The following PLAUR variants were observed in gnomAD, a reference collection of about 807,000 sequenced individuals.
PLAUR encodes the protein plasminogen activator, urokinase receptor.
Under a neutral mutation model 33.4 loss-of-function variants are expected in PLAUR, and 22 were observed. The ratio of observed to expected loss-of-function variants is 0.66; its 90% CI spans 0.47 to 0.94. The LOEUF is 0.94. PLAUR is among the 40% of genes least tolerant of loss of function. The pLI, the probability that PLAUR is intolerant of heterozygous loss-of-function variation, is 0.00. For missense variants in PLAUR, 408 were observed against 434.7 expected (o/e 0.94, Z 0.55); for synonymous variants, 148 against 167.3 (o/e 0.88, Z 0.89).
At chr19:43,653,128 G>A (rs1434337409) in intron 5 of PLAUR, among the ~76,000 whole-genome samples, 2 of 152,100 alleles carry the variant, frequency 1.3e-5, no homozygotes, top group African/African-American at 2.4e-5. Flanking sequence ...TTACAATTTA[G>A]AGCTACACTA....
chr19:43,664,793 C>A (rs548911899), intron 3 of PLAUR, among the ~76,000 whole-genome samples: 2 of 152,148 alleles, frequency 1.3e-5, no homozygotes, highest in Admixed American at 6.5e-5. Flanking sequence ...ATCTCCCGTC[C>A]CAATGGATTG....
chr19:43,670,044 G>A (rs1288419703), intron 1 of PLAUR, 22 bp downstream of exon 1: 1 of 1,611,994 alleles, frequency 6.2e-7, no homozygotes, highest in African/African-American at 1.3e-5. Flanking sequence ...CCAGGCGCAG[G>A]CGTTCGGGAC....
At chr19:43,669,232 C>T (rs764330693) in intron 1 of PLAUR, among the ~76,000 whole-genome samples, 11 of 152,172 alleles carry the variant, frequency 7.2e-5, no homozygotes, top group Non-Finnish European at 1.5e-4. Context: ...AGGGACAGTC[C>T]CGGGTCTCCA....
intron 5 of PLAUR, among the ~76,000 whole-genome samples, chr19:43,655,174 G>A (rs1408838989): frequency 6.6e-6 from 1 of 151,588 alleles, no homozygotes; most frequent in Non-Finnish European, 1.5e-5. Context: ...CTACTCAGGA[G>A]GCTGAAGCAG....
chr19:43,669,418 C>A (rs940886319), intron 1 of PLAUR, among the ~76,000 whole-genome samples: 1 of 152,172 alleles, frequency 6.6e-6, no homozygotes, highest in Non-Finnish European at 1.5e-5. Flanking sequence ...AGTTATCTAA[C>A]CTCTCTGTGC....
At chr19:43,651,046 A>G (rs939125290) in intron 6 of PLAUR, among the ~76,000 whole-genome samples, 1 of 151,936 alleles carries the variant, frequency 6.6e-6, no homozygotes, top group Non-Finnish European at 1.5e-5. Flanking sequence ...AAAAAAAAAA[A>G]AGATTTCTCA....
At chr19:43,654,990 G>A (rs1396369499) in intron 5 of PLAUR, among the ~76,000 whole-genome samples, 1 of 151,912 alleles carries the variant, frequency 6.6e-6, no homozygotes, top group Non-Finnish European at 1.5e-5. Flanking sequence ...TTGAAGAAAG[G>A]CCTGGCTGGG....
intron 2 of PLAUR, among the ~76,000 whole-genome samples, chr19:43,665,667 A>G (rs1031871057): frequency 1.4e-5 from 2 of 144,390 alleles, no homozygotes; most frequent in Admixed American, 7.2e-5. Flanking sequence ...TCAATTAATT[A>G]ATTAATTAAT....
In PLAUR at chr19:43,649,158, G is replaced by C; in HGVS notation, c.755-15C>G. On this transcript the variant is annotated splice_polypyrimidine_tract_variant and intron_variant, in intron 6 of 6. Coordinates refer to ENST00000340093, the MANE Select transcript of PLAUR (RefSeq NM_002659.4). ...GTTTTTCGGTTCTGAGGAAAGAGAA[G>C]ACGGAGTGAGACTTCCAGCTCCTGG... 6.3e-7 allele frequency: 1 copy of C among 1,598,310 alleles called. No individual in the cohort carries two copies. The highest frequency in any genetic ancestry group is 1.7e-4 in the Middle Eastern group (1 of 6,022).
At chr19:43,654,732 C>G (rs1375598972) in intron 5 of PLAUR, among the ~76,000 whole-genome samples, 2 of 151,328 alleles carry the variant, frequency 1.3e-5, no homozygotes, top group Non-Finnish European at 3.0e-5. Context: ...AGACCCTGTC[C>G]CCCCCATACC....
intron 6 of PLAUR, among the ~76,000 whole-genome samples, chr19:43,649,929 A>G (rs1973923790): frequency 6.6e-6 from 1 of 151,812 alleles, no homozygotes; most frequent in Non-Finnish European, 1.5e-5. Context: ...AGCTTCCATG[A>G]GGACCCAGCT....
chr19:43,652,154 TG>T, intron 6 of PLAUR, 70 bp downstream of exon 6: 1 of 1,586,090 alleles, frequency 6.3e-7, no homozygotes, highest in Non-Finnish European at 8.6e-7. Flanking sequence ...CCAGCTTAAC[TG>T]GAAGTCAATC....
chr19:43,666,761 G>T (rs1346633335), intron 2 of PLAUR, among the ~76,000 whole-genome samples: 1 of 151,922 alleles, frequency 6.6e-6, no homozygotes, highest in Non-Finnish European at 1.5e-5. Context: ...TAGAGACAGG[G>T]TTTCACCATG....
chr19:43,667,594 C>T lies in PLAUR; in HGVS notation c.153G>A (p.Val51=). 6.2e-7 allele frequency: 1 copy of T among 1,613,092 alleles called. No homozygotes were observed. Among genetic ancestry groups the T allele is most frequent in the Non-Finnish European group, 8.5e-7 (1 of 1,179,154 alleles). ...LGQDLCRTTI[V]RLWEEGEELE... is the part of the protein sequence containing the mutation. Reference sequence around the variant, plus strand: ...GGGGAAGCTCACCTTCCCACAAGCGCACGATCGTGGTCCTGCAGAGGTCCT... The same window carrying T: ...GGGGAAGCTCACCTTCCCACAAGCGTACGATCGTGGTCCTGCAGAGGTCCT... Residue 51 remains valine, a synonymous_variant, in exon 2 of 7, where the codon GTG becomes GTA. Coordinates refer to ENST00000340093, the MANE Select transcript of PLAUR (RefSeq NM_002659.4).
intron 1 of PLAUR, 60 bp downstream of exon 1, chr19:43,670,006 C>T (rs952193763): frequency 4.4e-5 from 67 of 1,526,954 alleles, no homozygotes; most frequent in Non-Finnish European, 5.5e-5. Flanking sequence ...CCTCTGACAA[C>T]CCCCAACCCC....
chr19:43,647,938 C>G (rs1172887332), downstream of PLAUR, among the ~76,000 whole-genome samples: 1 of 133,224 alleles, frequency 7.5e-6, no homozygotes, highest in Non-Finnish European at 1.6e-5. Context: ...TTAGAGAGCC[C>G]TTTTTTTTTT....
intron 5 of PLAUR, among the ~76,000 whole-genome samples, chr19:43,654,078 C>T (rs1229153148): frequency 6.6e-6 from 1 of 151,418 alleles, no homozygotes; most frequent in Non-Finnish European, 1.5e-5. Context: ...GAGCCAAGAT[C>T]GCGCCACTGC....
intron 3 of PLAUR, among the ~76,000 whole-genome samples, chr19:43,661,769 T>C (rs1216709906): frequency 6.6e-6 from 1 of 152,186 alleles, no homozygotes; most frequent in Non-Finnish European, 1.5e-5. Context: ...CATTTGCAAC[T>C]GTCATTGGCA....
chr19:43,655,657 A>C (rs942725026), intron 4 of PLAUR, 84 bp from the exon 5 acceptor site: 1 of 1,268,414 alleles, frequency 7.9e-7, no homozygotes, highest in Non-Finnish European at 1.1e-6. Flanking sequence ...GCAGGCATTC[A>C]ACCATTCTCT....
Sources: allele counts gnomAD v4.1 joint callset (sites outside exome capture counted in the v4.1 genomes callset), GRCh38; gene constraint gnomAD v4.1.1; transcripts MANE v1.5; gene names NCBI Gene and HGNC (gene_info 2026-07-23, HGNC 2026-07-21).